ABCB1: variants seen among roughly 807,000 people sequenced by gnomAD.
ABCB1 encodes the protein ATP binding cassette subfamily B member 1, also known as ATP-dependent translocase ABCB1.
In ABCB1, 69 loss-of-function variants were observed where a neutral mutation model predicts 142.0. The observed-to-expected ratio is 0.49, with a 90% CI of 0.40 to 0.59. ABCB1 has a LOEUF of 0.59. Among genes scored for constraint, ABCB1 ranks in the 20% least tolerant of loss-of-function variants. The pLI is 0.00. For missense variants in ABCB1, 1,326 were observed against 1,554.7 expected (o/e 0.85, Z 2.47); for synonymous variants, 532 against 539.2 (o/e 0.99, Z 0.18).
chr7:87,638,026 G>A (rs1018561919), intron 1 of ABCB1, among the ~76,000 whole-genome samples: 1 of 151,864 alleles, frequency 6.6e-6, no homozygotes, highest in African/African-American at 2.4e-5. Context: ...CTGAGAATTT[G>A]TATCATAAAT....
rs201444664 is a variant in ABCB1, at chr7:87,553,802, A to C, written c.958T>G (p.Leu320Val). The C allele has an allele frequency of 1.1e-5, 18 of 1,614,122 alleles. No individual in the cohort carries two copies. The highest frequency in any genetic ancestry group is 1.5e-5 in the Non-Finnish European group (18 of 1,179,938). The stretch of plus-strand genomic sequence containing the variant: ...ATAGAATATTCCCCTGAGAGGACCA[A>C]GGTGGTCCCATACCAGAAGGCCAGA... ...YALAFWYGTT[L>V]VLSGEYSIGQ... Residue 320 changes from leucine (L) to valine (V), a missense_variant, in exon 9 of 28, where the codon TTG becomes GTG. By Grantham distance (32) the Leu-to-Val change is conservative. Transcript: ENST00000622132.
At position 87,600,188 on chromosome 7, in the gene ABCB1, G is replaced by C. The variant is rs34834348; in HGVS notation, c.-4C>G. On this transcript the variant is annotated splice_region_variant and 5_prime_UTR_variant, in exon 2 of 28. Coordinates refer to ENST00000622132, the MANE Select transcript of ABCB1 (RefSeq NM_001348946.2). ...TGCGGTCCCCTTCAAGATCCATTCC[G>C]ACCTGAAGAGAAACCGCAGCTCATT... 6.2e-7 allele frequency: 1 copy of C among 1,613,692 alleles called. No individual in the cohort carries two copies. The highest frequency in any genetic ancestry group is 1.1e-5 in the South Asian group (1 of 91,032).
rs1380560733 is a variant in ABCB1, at chr7:87,531,378, G to C, written c.2601C>G (p.Ile867Met). Residue 867 changes from isoleucine to methionine, a missense_variant, in exon 21 of 28, where the codon ATC becomes ATG. Transcript: ENST00000622132. ...LTLLLLAIVP[I>M]IAIAGVVEMK... The stretch of plus-strand genomic sequence containing the variant: ...TTTCAACAACTCCTGCTATTGCAAT[G>C]ATGGGTACAATTGCTAAGAGTAACA... 4 of 1,613,266 alleles carry C rather than the reference G, an allele frequency of 2.5e-6. No individual in the cohort carries two copies. The highest frequency in any genetic ancestry group is 1.6e-4 in the Middle Eastern group (1 of 6,072).
chr7:87,645,919 G>A (rs1214523873), intron 1 of ABCB1, among the ~76,000 whole-genome samples: 1 of 152,144 alleles, frequency 6.6e-6, no homozygotes, highest in Non-Finnish European at 1.5e-5. Context: ...AGCAGGATAT[G>A]AATGATGAAG....
chr7:87,621,616 G>A lies in ABCB1; in HGVS notation c.-330-20538C>T, dbSNP rs147726694. On this transcript the variant is annotated intron_variant, in intron 1 of 28. Transcript: ENST00000265724. ...GAAAACCAGAAATTATTAAAAAAAC[G>A]AAAATTTGATTGCATAAAAATTCAA... Among the ~76,000 whole-genome samples, 710 of 152,004 alleles carry A rather than the reference G, an allele frequency of 4.7e-3. 8 individuals carry two copies. The highest frequency in any genetic ancestry group is 0.016 in the African/African-American group (662 of 41,494).
Position 87,626,418 on chromosome 7 carries a change from A to G in ABCB1, c.-330-25340T>C, listed in dbSNP as rs150340276. 3.1e-4 allele frequency among the ~76,000 whole-genome samples: 7 copies of G among 22,498 alleles called. 3 individuals carry two copies. The highest frequency in any genetic ancestry group is 4.3e-4 in the Non-Finnish European group (7 of 16,282). 14.8% of individuals were successfully genotyped at this position (22,498 alleles called of 152,430 possible). A position where few individuals can be genotyped will look rare whatever the true frequency, so the allele number is the denominator to read the frequency against. On this transcript the variant is annotated intron_variant, in intron 1 of 28. Coordinates refer to the ABCB1 transcript ENST00000265724. The stretch of plus-strand genomic sequence containing the variant: ...TGTGTCATATGTATGTGTCATATAT[A>G]TGTGTCATATGTATGTGTCATATAT...
chr7:87,557,581 T>C (rs1445247784), intron 8 of ABCB1, among the ~76,000 whole-genome samples: 1 of 152,204 alleles, frequency 6.6e-6, no homozygotes, highest in Non-Finnish European at 1.5e-5. Context: ...AGAGCAAATA[T>C]AGGAATCTCT....
intron 1 of ABCB1, among the ~76,000 whole-genome samples, chr7:87,614,415 A>G (rs1819962938): frequency 6.6e-6 from 1 of 152,124 alleles, no homozygotes; most frequent in Admixed American, 6.5e-5. Context: ...AAAAAGGGAA[A>G]GAAAGAAAGA....
chr7:87,549,521 A>G lies in ABCB1; in HGVS notation c.1555-3T>C. On this transcript the variant is annotated splice_polypyrimidine_tract_variant and splice_region_variant and intron_variant, in intron 13 of 27. Transcript: ENST00000622132. Reference sequence around the variant, plus strand: ...TCTCCAACCAGGGTGTCAAATTTCTACCACAGAAAACCCAGAATGATTTAG... The same window carrying G: ...TCTCCAACCAGGGTGTCAAATTTCTGCCACAGAAAACCCAGAATGATTTAG... 1 of 1,614,170 alleles carries G rather than the reference A, an allele frequency of 6.2e-7. No individual in the cohort carries two copies. Among genetic ancestry groups the G allele is most frequent in the South Asian group, 1.1e-5 (1 of 91,088 alleles).
chr7:87,583,893 A>G (rs1818622084), intron 4 of ABCB1, among the ~76,000 whole-genome samples: 1 of 152,200 alleles, frequency 6.6e-6, no homozygotes, highest in Admixed American at 6.5e-5. Flanking sequence ...CCAGAGAGTG[A>G]TGAAGTATTT....
At chr7:87,585,737 T>G in intron 3 of ABCB1, 57 bp from the exon 4 acceptor site, 1 of 1,577,720 alleles carries the variant, frequency 6.3e-7, no homozygotes, top group Non-Finnish European at 8.6e-7. Flanking sequence ...TCATGGAAGA[T>G]TTGCTTTTCC....
intron 1 of ABCB1, among the ~76,000 whole-genome samples, chr7:87,623,235 CATACAATGTCTGGAGTCT>C (rs1820289683): frequency 6.6e-6 from 1 of 152,088 alleles, no homozygotes; most frequent in Non-Finnish European, 1.5e-5. Context: ...TGATGCAATG[CATACAATGTCTGGAGTCT>C]ATAATTTCTG....
intron 1 of ABCB1, among the ~76,000 whole-genome samples, chr7:87,621,247 A>G (rs1820211723): frequency 6.6e-6 from 1 of 152,156 alleles, no homozygotes; most frequent in Non-Finnish European, 1.5e-5. Context: ...ACCTTACGAG[A>G]TGTTAAAAAT....
intron 3 of ABCB1, among the ~76,000 whole-genome samples, chr7:87,588,127 A>C (rs1238388076): frequency 6.6e-6 from 1 of 151,614 alleles, no homozygotes; most frequent in Non-Finnish European, 1.5e-5. Context: ...CAGAAAATTG[A>C]AAGAGTTCAG....
chr7:87,545,336 C>G (rs1013283130), intron 15 of ABCB1, among the ~76,000 whole-genome samples: 1 of 152,074 alleles, frequency 6.6e-6, no homozygotes, highest in Non-Finnish European at 1.5e-5. Context: ...AAATATGGCA[C>G]AAGCCATGCT....
chr7:87,531,219 T>C (rs1363766581), intron 21 of ABCB1, 75 bp downstream of exon 21: 1 of 1,233,796 alleles, frequency 8.1e-7, no homozygotes, highest in Non-Finnish European at 1.2e-6. Flanking sequence ...TAGTAAGCAG[T>C]AGGGAGTAAC....
At chr7:87,578,989 G>A (rs1026705756) in intron 4 of ABCB1, among the ~76,000 whole-genome samples, 1 of 152,146 alleles carries the variant, frequency 6.6e-6, no homozygotes, top group East Asian at 1.9e-4. Flanking sequence ...CACCGCGCCC[G>A]GCCGAGATTA....
At chr7:87,583,820 A>G (rs1400072715) in intron 4 of ABCB1, among the ~76,000 whole-genome samples, 1 of 152,234 alleles carries the variant, frequency 6.6e-6, no homozygotes, top group Non-Finnish European at 1.5e-5. Flanking sequence ...AAGGCTGGGA[A>G]GTCATTAAAA....
At chr7:87,632,943 A>G (rs533770763) in intron 1 of ABCB1, among the ~76,000 whole-genome samples, 53 of 152,218 alleles carry the variant, frequency 3.5e-4, no homozygotes, top group Non-Finnish European at 6.2e-4. Flanking sequence ...TGTAGCTAGG[A>G]GGGACTAATA....
Sources: allele counts gnomAD v4.1 joint callset (sites outside exome capture counted in the v4.1 genomes callset), GRCh38; gene constraint gnomAD v4.1.1; transcripts MANE v1.5; gene names NCBI Gene and HGNC (gene_info 2026-07-23, HGNC 2026-07-21).